USH2A: variants seen among roughly 807,000 people sequenced by gnomAD.
USH2A encodes the protein Usher syndrome 2A (autosomal recessive, mild).
USH2A carries 443 observed loss-of-function variants against 538.9 expected under a neutral mutation model. The ratio of observed to expected loss-of-function variants is 0.82; its 90% CI spans 0.76 to 0.89. The LOEUF (loss-of-function observed/expected upper bound fraction) is 0.89, where lower values mean the gene tolerates loss of function less well. USH2A is among the 40% of genes least tolerant of loss of function. USH2A has a pLI of 0.00. For missense variants in USH2A, 6,633 were observed against 6,324.8 expected, an observed-to-expected ratio of 1.05 and a Z score of -1.65; for synonymous variants, 2,413 against 2,273.5, an observed-to-expected ratio of 1.06 and a Z score of -1.75.
intron 9 of USH2A, among the ~76,000 whole-genome samples, chr1:216,307,904 A>G (rs529635146): frequency 6.6e-6 from 1 of 152,154 alleles, no homozygotes; most frequent in Non-Finnish European, 1.5e-5. Flanking sequence ...CCCCTTTCAC[A>G]CTTTGGGCAC....
rs115472167 is a variant in USH2A at position 216,020,780 on chromosome 1, A to C, written c.6326-20218T>G. 6.8e-3 allele frequency among the ~76,000 whole-genome samples: 1,037 copies of C among 152,260 alleles called. 14 individuals are homozygous for C. The highest frequency in any genetic ancestry group is 0.024 in the African/African-American group (978 of 41,536). On this transcript the variant is annotated intron_variant, in intron 32 of 71. Transcript: ENST00000307340. ...TGATTTGATCAATCATGCCTATGTC[A>C]TGAAACCTCCTAAAAGCCCCTAAAC... is the stretch of plus-strand genomic sequence containing the variant.
chr1:215,965,552 C>T lies in USH2A; in HGVS notation c.6958-73G>A, dbSNP rs1667321544. On this transcript the variant is annotated intron_variant, in intron 36 of 71. Transcript: ENST00000307340. Reference sequence around the variant, plus strand: ...ATGCTTCGCTTTGAGCATATTTCTTCAAAGAATCTCTTTTTGCTGTGAAGT... The same window carrying T: ...ATGCTTCGCTTTGAGCATATTTCTTTAAAGAATCTCTTTTTGCTGTGAAGT... 1.2e-5 allele frequency: 19 copies of T among 1,554,778 alleles called. No individual in the cohort carries two copies. The South Asian group carries it at 2.1e-4, about 17-fold the overall frequency.
intron 32 of USH2A, among the ~76,000 whole-genome samples, chr1:216,034,703 A>AACCACTGACTGTCAGAAT (rs1339786676): frequency 1.3e-5 from 2 of 152,092 alleles, no homozygotes; most frequent in Non-Finnish European, 2.9e-5. Context: ...ACCTGCCAGA[A>AACCACTGACTGTCAGAAT]ACCACTGACT....
chr1:215,948,439 T>C (rs1477874558), intron 37 of USH2A, among the ~76,000 whole-genome samples: 1,622 of 146,960 alleles, frequency 0.011, 35 homozygotes, highest in African/African-American at 0.038. Flanking sequence ...TATATATATA[T>C]ATATACACAC....
chr1:216,149,973 C>G (rs898102812), intron 21 of USH2A, among the ~76,000 whole-genome samples: 1 of 152,140 alleles, frequency 6.6e-6, no homozygotes, highest in Non-Finnish European at 1.5e-5. Flanking sequence ...TTCCCTTAAA[C>G]TCACTCGTAT....
chr1:215,892,365 C>A (rs1474848539), intron 40 of USH2A, among the ~76,000 whole-genome samples: 1 of 152,122 alleles, frequency 6.6e-6, no homozygotes, highest in Non-Finnish European at 1.5e-5. Context: ...TTTAAAAACT[C>A]TTTTTGGTAA....
intron 59 of USH2A, among the ~76,000 whole-genome samples, chr1:215,742,007 G>A (rs528467830): frequency 2.0e-5 from 3 of 152,244 alleles, no homozygotes; most frequent in Admixed American, 6.5e-5. Context: ...TACCTCCATT[G>A]CACAGTTTCA....
chr1:215,972,445 A>T (rs1408984499), intron 35 of USH2A, among the ~76,000 whole-genome samples: 1 of 152,132 alleles, frequency 6.6e-6, no homozygotes, highest in Admixed American at 6.6e-5. Flanking sequence ...GCTCCTGTCA[A>T]TCATCCTTTT....
At chr1:215,724,884 C>T (rs1389319397) in intron 61 of USH2A, among the ~76,000 whole-genome samples, 1 of 151,902 alleles carries the variant, frequency 6.6e-6, no homozygotes, top group East Asian at 1.9e-4. Flanking sequence ...TTTGTTGGAC[C>T]CTGAAGCCCC....
chr1:215,949,136 GT>G (rs1666847576), intron 37 of USH2A, among the ~76,000 whole-genome samples: 1 of 151,980 alleles, frequency 6.6e-6, no homozygotes, highest in Admixed American at 6.6e-5. Flanking sequence ...AAAATGGCAT[GT>G]TTTAAAAACA....
chr1:216,289,159 G>T (rs1342448624), intron 11 of USH2A, 121 bp downstream of exon 11: 6 of 1,432,804 alleles, frequency 4.2e-6, no homozygotes, highest in Non-Finnish European at 5.8e-6. Flanking sequence ...TCTTTGAAAT[G>T]CAAATGCACA....
intron 36 of USH2A, among the ~76,000 whole-genome samples, chr1:215,966,525 C>A (rs1468558651): frequency 6.6e-6 from 1 of 152,034 alleles, no homozygotes; most frequent in Non-Finnish European, 1.5e-5. Flanking sequence ...GGTGATTATA[C>A]CTTATCAATT....
intron 60 of USH2A, 94 bp downstream of exon 60, chr1:215,741,281 T>C: frequency 7.0e-7 from 1 of 1,423,976 alleles, no homozygotes; most frequent in Non-Finnish European, 9.8e-7. Context: ...TCCCATTCAT[T>C]CTCTTATGGA....
intron 21 of USH2A, among the ~76,000 whole-genome samples, chr1:216,107,045 G>A (rs2032752187): frequency 6.6e-6 from 1 of 151,742 alleles, no homozygotes; most frequent in South Asian, 2.1e-4. Context: ...GCTGTAGAAT[G>A]TTTGTAGTGT....
intron 47 of USH2A, among the ~76,000 whole-genome samples, chr1:215,819,377 A>G (rs4129021): frequency 0.048 from 7,201 of 150,416 alleles, 273 homozygotes; most frequent in South Asian, 0.14. Flanking sequence ...GCGGCAGTCA[A>G]GATAAACCTC....
intron 20 of USH2A, among the ~76,000 whole-genome samples, chr1:216,176,828 G>C (rs1254522544): frequency 6.6e-6 from 1 of 152,094 alleles, no homozygotes; most frequent in Non-Finnish European, 1.5e-5. Flanking sequence ...ACCTTTCACT[G>C]AGTAATATGC....
intron 9 of USH2A, among the ~76,000 whole-genome samples, chr1:216,298,845 T>C (rs1228257397): frequency 0.038 from 7 of 184 alleles, no homozygotes; most frequent in Non-Finnish European, 0.18. Flanking sequence ...GGAGAATACT[T>C]TTTTTTTTTT....
chr1:216,179,006 C>G (rs2034441905), intron 20 of USH2A, among the ~76,000 whole-genome samples: 1 of 152,042 alleles, frequency 6.6e-6, no homozygotes, highest in Non-Finnish European at 1.5e-5. Context: ...AATATGCCTC[C>G]TATGCTTCTT....
intron 15 of USH2A, among the ~76,000 whole-genome samples, chr1:216,210,507 G>A (rs2035216705): frequency 6.6e-6 from 1 of 152,256 alleles, no homozygotes; most frequent in Middle Eastern, 3.4e-3. Context: ...TCAGGCAGCT[G>A]CCCTTGCTCA....
Sources: gnomAD v4.1 joint callset for allele counts (sites outside exome capture counted in the v4.1 genomes callset) on GRCh38, gnomAD v4.1.1 for gene constraint, MANE v1.5 for transcripts, NCBI Gene and HGNC (gene_info 2026-07-23, HGNC 2026-07-21) for gene names.